DNER: variants seen among roughly 807,000 people sequenced by gnomAD.
DNER encodes the protein delta/notch like EGF repeat containing.
DNER carries 33 observed loss-of-function variants against 78.2 expected under a neutral mutation model. The ratio of observed to expected loss-of-function variants is 0.42; its 90% CI spans 0.32 to 0.56. DNER has a LOEUF of 0.56. DNER is among the 20% of genes least tolerant of loss of function. The probability of loss-of-function intolerance (pLI) is 0.11; values close to 1 mark genes in which losing one functional copy is unlikely to be tolerated. For missense variants in DNER, 918 were observed against 975.3 expected (o/e 0.94, Z 0.78); for synonymous variants, 417 against 384.8 (o/e 1.08, Z -0.98).
At chr2:229,453,286 G>C (rs569487175) in intron 7 of DNER, among the ~76,000 whole-genome samples, 42 of 152,320 alleles carry the variant, frequency 2.8e-4, no homozygotes, top group Admixed American at 5.2e-4. Context: ...TTTCAGATGG[G>C]GGGACAATGT....
At chr2:229,368,190 G>A (rs559308951) in intron 11 of DNER, among the ~76,000 whole-genome samples, 21 of 152,050 alleles carry the variant, frequency 1.4e-4, no homozygotes, top group African/African-American at 3.9e-4. Flanking sequence ...TGGCAAAACC[G>A]TTTCTCTACA....
intron 1 of DNER, among the ~76,000 whole-genome samples, chr2:229,626,552 G>T (rs1698348168): frequency 6.6e-6 from 1 of 152,180 alleles, no homozygotes; most frequent in South Asian, 2.1e-4. Context: ...TTCATTGTAA[G>T]GGCCTAATGA....
intron 5 of DNER, among the ~76,000 whole-genome samples, chr2:229,534,613 C>A (rs1280762396): frequency 6.6e-6 from 1 of 152,178 alleles, no homozygotes; most frequent in Admixed American, 6.5e-5. Flanking sequence ...TAGACTTCAA[C>A]CAAAACAACA....
chr2:229,567,587 G>A (rs888991947), intron 4 of DNER, among the ~76,000 whole-genome samples: 6 of 152,204 alleles, frequency 3.9e-5, no homozygotes, highest in Non-Finnish European at 4.4e-5. Flanking sequence ...TGACCATGGA[G>A]CAAAGTAACT....
intron 5 of DNER, among the ~76,000 whole-genome samples, chr2:229,522,111 T>A (rs1696110895): frequency 6.7e-6 from 1 of 148,690 alleles, no homozygotes; most frequent in South Asian, 2.1e-4. Context: ...AATTCATTCC[T>A]TCAGCTTAAA....
intron 5 of DNER, among the ~76,000 whole-genome samples, chr2:229,544,531 TTTTA>T (rs902902506): frequency 3.4e-4 from 51 of 151,378 alleles, no homozygotes; most frequent in African/African-American, 1.1e-3. Flanking sequence ...TATTTATATA[TTTTA>T]TTTATTTATT....
At chr2:229,676,884 C>A (rs1699309179) in intron 1 of DNER, among the ~76,000 whole-genome samples, 1 of 152,118 alleles carries the variant, frequency 6.6e-6, no homozygotes, top group Admixed American at 6.6e-5. Context: ...TAATATACAG[C>A]CTGCAGATAC....
chr2:229,543,623 G>A (rs900694719), intron 5 of DNER, among the ~76,000 whole-genome samples: 3 of 152,094 alleles, frequency 2.0e-5, no homozygotes, highest in Non-Finnish European at 4.4e-5. Flanking sequence ...GAGAAGGCCT[G>A]GGGGAAGATC....
intron 8 of DNER, among the ~76,000 whole-genome samples, chr2:229,444,984 A>G (rs1223798977): frequency 1.3e-5 from 2 of 152,242 alleles, no homozygotes; most frequent in African/African-American, 4.8e-5. Flanking sequence ...GGGGCTTCAC[A>G]GAGAGAACGG....
chr2:229,413,289 C>G (rs1382216020), intron 9 of DNER, among the ~76,000 whole-genome samples: 1 of 145,044 alleles, frequency 6.9e-6, no homozygotes, highest in Non-Finnish European at 1.5e-5. Flanking sequence ...CAGAAGTTCC[C>G]CCTCATTGCT....
intron 1 of DNER, among the ~76,000 whole-genome samples, chr2:229,659,079 G>A (rs1388833242): frequency 6.6e-6 from 1 of 152,154 alleles, no homozygotes; most frequent in Non-Finnish European, 1.5e-5. Context: ...AGAACTGGCA[G>A]TCATTGATGA....
At chr2:229,387,893 T>TGTG (rs3222719) in intron 11 of DNER, among the ~76,000 whole-genome samples, 512 of 71,958 alleles carry the variant, frequency 7.1e-3, no homozygotes, top group African/African-American at 0.014. Flanking sequence ...GTGTGTGTGT[T>TGTG]TTTTAATTTT....
At chr2:229,510,732 G>A in intron 6 of DNER, among the ~76,000 whole-genome samples, 1 of 152,146 alleles carries the variant, frequency 6.6e-6, no homozygotes. Flanking sequence ...ACACCTAAAT[G>A]GAGATGCCAT....
At chr2:229,376,116 C>G (rs2106330174) in intron 11 of DNER, among the ~76,000 whole-genome samples, 1 of 152,304 alleles carries the variant, frequency 6.6e-6, no homozygotes, top group Admixed American at 6.5e-5. Context: ...AAATGTGAGT[C>G]AATTAAACCT....
At chr2:229,471,826 G>A (rs1376194257) in intron 7 of DNER, among the ~76,000 whole-genome samples, 6 of 152,158 alleles carry the variant, frequency 3.9e-5, no homozygotes, top group Admixed American at 2.0e-4. Flanking sequence ...GAGCCTCAAA[G>A]AAGCCAAGAC....
intron 7 of DNER, among the ~76,000 whole-genome samples, chr2:229,463,752 G>A (rs1421217464): frequency 2.0e-5 from 3 of 152,204 alleles, no homozygotes; most frequent in Non-Finnish European, 4.4e-5. Context: ...AAGGTAAAAT[G>A]GTTTATGAAG....
intron 7 of DNER, among the ~76,000 whole-genome samples, chr2:229,468,151 T>C (rs1048088618): frequency 1.3e-5 from 2 of 152,256 alleles, no homozygotes; most frequent in Admixed American, 1.3e-4. Context: ...ACCTTTAAGC[T>C]GTCCTTCTTC....
intron 4 of DNER, among the ~76,000 whole-genome samples, chr2:229,570,781 G>A (rs1697204973): frequency 6.6e-6 from 1 of 152,100 alleles, no homozygotes; most frequent in Non-Finnish European, 1.5e-5. Flanking sequence ...AAGAGGCAAA[G>A]CAGGTGGGGG....
chr2:229,412,946 A>G (rs562615731), intron 9 of DNER, among the ~76,000 whole-genome samples: 1 of 152,324 alleles, frequency 6.6e-6, no homozygotes, highest in African/African-American at 2.4e-5. Context: ...GCCAAGAGCC[A>G]TGGTTGAAAA....
Sources: allele counts gnomAD v4.1 joint callset (sites outside exome capture counted in the v4.1 genomes callset), GRCh38; gene constraint gnomAD v4.1.1; transcripts MANE v1.5; gene names NCBI Gene and HGNC (gene_info 2026-07-23, HGNC 2026-07-21).